CDC42BPG: variants seen among roughly 807,000 people sequenced by gnomAD.
CDC42BPG encodes CDC42 binding protein kinase gamma.
In CDC42BPG, 157 loss-of-function variants were observed where a neutral mutation model predicts 192.2. The observed-to-expected ratio is 0.82, with a 90% CI of 0.72 to 0.93. The LOEUF is 0.93. Ranked by LOEUF, CDC42BPG falls within the 40% of genes least tolerant of loss-of-function variation. The pLI is 0.00. For missense variants in CDC42BPG, 1,992 were observed against 2,122.1 expected, an observed-to-expected ratio of 0.94 and a Z score of 1.20; for synonymous variants, 981 against 918.5, an observed-to-expected ratio of 1.07 and a Z score of -1.23.
At position 64,833,990 on chromosome 11, in the gene CDC42BPG, G is replaced by A. The variant is rs774428308; in HGVS notation, c.2414-13C>T. On this transcript the variant is annotated splice_polypyrimidine_tract_variant and intron_variant, in intron 20 of 36. Coordinates refer to ENST00000342711, the MANE Select transcript of CDC42BPG (RefSeq NM_017525.3). ...GAGGGCTTGGTGTCTGCAAAGAAAG[G>A]GTGGGTCACTGGCCTGGGGTCCCTG... 3.7e-6 allele frequency: 6 copies of A among 1,614,066 alleles called. No individual in the cohort carries two copies. The African/African-American group carries it at 5.3e-5, about 14-fold the overall frequency.
At chr11:64,826,867 C>G (rs915225559) in intron 34 of CDC42BPG, 73 bp from the exon 35 acceptor site, 1 of 1,436,750 alleles carries the variant, frequency 7.0e-7, no homozygotes, top group Admixed American at 2.7e-5. Context: ...GCACAACAGA[C>G]CAGGACAAAT....
chr11:64,833,799 G>T lies in CDC42BPG; in HGVS notation c.2504C>A (p.Ala835Asp), dbSNP rs201924009. Residue 835 changes from alanine to aspartate, a missense_variant, in exon 22 of 37, where the codon GCC (alanine) becomes GAC (aspartate). Around this residue, in one of 2 missense-constraint regions of CDC42BPG, gnomAD observed 1,656 missense variants for 1,844.3 expected, o/e 0.90. Transcript: ENST00000342711. ...ATCTGGCTCTCCTCCATGCCTTGTGGCCTCTCCTGAGATGCCAGGGTCCTT... is the reference window on the plus strand; with the variant it reads ...ATCTGGCTCTCCTCCATGCCTTGTGTCCTCTCCTGAGATGCCAGGGTCCTT... ...SAKDPGISGEATRHGGEPDLR... is the reference protein window; with the variant it reads ...SAKDPGISGEDTRHGGEPDLR... 44 of 1,614,116 alleles carry T rather than the reference G, an allele frequency of 2.7e-5. No individual in the cohort carries two copies. The highest frequency in any genetic ancestry group is 3.6e-5 in the Non-Finnish European group (43 of 1,180,038).
rs376256743 is a variant in CDC42BPG at position 64,836,823 on chromosome 11, G to A, written c.1304-4C>T. On this transcript the variant is annotated splice_region_variant and splice_polypyrimidine_tract_variant and intron_variant, in intron 10 of 36. Coordinates refer to ENST00000342711, the MANE Select transcript of CDC42BPG (RefSeq NM_017525.3). ...TCTGTGGGGGCGTGCAGGGCCTCTG[G>A]AGGGGAGGTGGTACCCACAGGTGAG... 516 of 1,609,272 alleles carry A rather than the reference G, an allele frequency of 3.2e-4. 4 individuals carry two copies. The South Asian group carries it at 3.8e-3, about 12-fold the overall frequency.
chr11:64,834,862 G>A lies in CDC42BPG; in HGVS notation c.2162C>T (p.Pro721Leu). ...TCTGGGGCTCACCAGTGGCCGGGCA[G>A]GGAGCGTCTGGGTGCCTACGTTCCT... ...SLRNVGTQTL[P>L]ARPLDHQWKA... Residue 721 changes from proline (P) to leucine (L), a missense_variant, in exon 18 of 37, where the codon CCT (proline) becomes CTT (leucine). Pro to Leu is a moderately conservative substitution (Grantham distance 98). Transcript: ENST00000342711. The A allele has an allele frequency of 1.2e-6, 2 of 1,613,280 alleles. No individual in the cohort carries two copies. Among genetic ancestry groups the A allele is most frequent in the Non-Finnish European group, 1.7e-6 (2 of 1,179,852 alleles).
At position 64,840,555 on chromosome 11, in the gene CDC42BPG, G is replaced by C. The variant is rs1328877867; in HGVS notation, c.430C>G (p.Leu144Val). The part of the protein sequence containing the change: ...LHYAFQDEEY[L>V]YLVMDYYAGG... The stretch of plus-strand genomic sequence containing the variant: ...CCAGCCCCGCCACGTATCCTCACCA[G>C]GTACTCCTCGTCTTGGAAGGCATAG... The change falls in exon 4 of 37, where the codon CTG becomes GTG. Residue 144 changes from leucine (L) to valine (V), a missense_variant and splice_region_variant. Physicochemically the swap from Leu to Val is conservative, Grantham distance 32. Coordinates refer to ENST00000342711, the MANE Select transcript of CDC42BPG (RefSeq NM_017525.3). 6.2e-7 allele frequency: 1 copy of C among 1,613,792 alleles called. No homozygotes were observed. Among genetic ancestry groups the C allele is most frequent in the Non-Finnish European group, 8.5e-7 (1 of 1,179,846 alleles).
intron 8 of CDC42BPG, 91 bp downstream of exon 8, chr11:64,838,563 C>T: frequency 1.3e-6 from 2 of 1,534,194 alleles, no homozygotes; most frequent in Admixed American, 1.7e-5. Context: ...GCCTCACCCC[C>T]AGCCCACCCC....
chr11:64,836,545 C>T lies in CDC42BPG; in HGVS notation c.1385-15G>A. 6.2e-7 allele frequency: 1 copy of T among 1,609,088 alleles called. No homozygotes were observed. Among genetic ancestry groups the T allele is most frequent in the South Asian group, 1.1e-5 (1 of 91,018 alleles). On this transcript the variant is annotated splice_polypyrimidine_tract_variant and intron_variant, in intron 11 of 36. Transcript: ENST00000342711. ...CCTCAGCATCTCTGCCAGGAAGAGT[C>T]ACTGAGACCTCGAGTGCTGGCGGCC...
At position 64,829,612 on chromosome 11, in the gene CDC42BPG, G is replaced by A; in HGVS notation, c.3826C>T (p.Leu1276=). 1 of 1,611,702 alleles carries A rather than the reference G, an allele frequency of 6.2e-7. No individual in the cohort carries two copies. The highest frequency in any genetic ancestry group is 8.5e-7 in the Non-Finnish European group (1 of 1,179,396). The change falls in exon 30 of 37, where the codon CTG becomes TTG. Residue 1276 remains leucine (L), a synonymous_variant. Coordinates refer to ENST00000342711, the MANE Select transcript of CDC42BPG (RefSeq NM_017525.3). ...PEELPPSRGG[L]GEALGAVELS... is the part of the protein sequence containing the mutation. ...TCCACGGCACCCAGTGCCTCACCCA[G>A]GCCCCCGCGGGATGGTGGCAGCTCC...
chr11:64,829,796 G>A lies in CDC42BPG; in HGVS notation c.3642C>T (p.Pro1214=). The change falls in exon 30 of 37, where the codon CCC becomes CCT. Residue 1214 remains proline, a synonymous_variant. Transcript: ENST00000342711. ...LCYQLGPGPG[P]WQRRIRELQA... ...GCAGCTCACGGATGCGGCGCTGCCA[G>A]GGCCCAGGGCCCGGGCCCAGCTGGT... 2 of 1,601,190 alleles carry A rather than the reference G, an allele frequency of 1.2e-6. No individual in the cohort carries two copies. The highest frequency in any genetic ancestry group is 1.7e-6 in the Non-Finnish European group (2 of 1,175,838).
intron 3 of CDC42BPG, among the ~76,000 whole-genome samples, chr11:64,841,219 A>G (rs11231889): frequency 0.21 from 32,248 of 151,910 alleles, 4,254 homozygotes; most frequent in East Asian, 0.52. Flanking sequence ...TCGGGAGGCC[A>G]AGGCAGAAGG....
chr11:64,828,573 C>T (rs1942541518), intron 30 of CDC42BPG, among the ~76,000 whole-genome samples: 1 of 152,214 alleles, frequency 6.6e-6, no homozygotes, highest in Non-Finnish European at 1.5e-5. Context: ...GGAGCGCCTA[C>T]CAGCTCCAGG....
Position 64,827,377 on chromosome 11 carries a change from G to C in CDC42BPG, c.4172C>G (p.Pro1391Arg). 2 of 1,613,854 alleles carry C rather than the reference G, an allele frequency of 1.2e-6. No homozygotes were observed. Among genetic ancestry groups the C allele is most frequent in the East Asian group, 4.5e-5 (2 of 44,860 alleles). ...QLAEKDEFDI[P>R]DLTDNSRRQL... ...GCGCCGGCTGTTGTCGGTGAGGTCC[G>C]GGATGTCGAACTCGTCCTTCTCTGT... The change falls in exon 33 of 37, where the codon CCG becomes CGG. Residue 1391 changes from proline (P) to arginine (R), a missense_variant. Pro to Arg is a moderately radical substitution (Grantham distance 103). Coordinates refer to ENST00000342711, the MANE Select transcript of CDC42BPG (RefSeq NM_017525.3).
rs71539698 is a variant in CDC42BPG, at chr11:64,823,962, C to A, written c.*511G>T. The A allele has an allele frequency of 5.8e-6, 1 of 172,628 alleles. No individual in the cohort carries two copies. Among genetic ancestry groups the A allele is most frequent in the Non-Finnish European group, 1.3e-5 (1 of 79,988 alleles). 10.7% of individuals were successfully genotyped at this position (172,628 alleles called of 1,614,324 possible). On this transcript the variant is annotated 3_prime_UTR_variant, in exon 37 of 37. Transcript: ENST00000342711. ...CTCCTATCCTGTCTCTCACCTCCTT[C>A]GCCTACATCCTTTCCCTCCTTCTCT...
chr11:64,834,923 G>A lies in CDC42BPG; in HGVS notation c.2101C>T (p.Leu701=). 6.2e-7 allele frequency: 1 copy of A among 1,614,160 alleles called. No individual in the cohort carries two copies. Among genetic ancestry groups the A allele is most frequent in the Non-Finnish European group, 8.5e-7 (1 of 1,180,030 alleles). The change falls in exon 18 of 37, where the codon CTG becomes TTG. Residue 701 remains leucine, a synonymous_variant. Transcript: ENST00000342711. ...AGCTCCTCTGCCATCTTGGTGGCCAGGGCCTGCAGGTAGCCTCTTGAGACC... is the reference window on the plus strand; with the variant it reads ...AGCTCCTCTGCCATCTTGGTGGCCAAGGCCTGCAGGTAGCCTCTTGAGACC... ...EKVSRGYLQA[L]ATKMAEELES...
chr11:64,833,419 A>G (rs961176507), intron 23 of CDC42BPG, 83 bp from the exon 24 acceptor site: 1 of 988,946 alleles, frequency 1.0e-6, no homozygotes, highest in East Asian at 2.6e-5. Flanking sequence ...CAAGGGGCTG[A>G]GCCAGGCAAC....
At position 64,829,917 on chromosome 11, in the gene CDC42BPG, G is replaced by A. The variant is rs1198646515; in HGVS notation, c.3521C>T (p.Pro1174Leu). The A allele has an allele frequency of 1.2e-6, 2 of 1,610,828 alleles. No individual in the cohort carries two copies. Among genetic ancestry groups the A allele is most frequent in the Non-Finnish European group, 1.7e-6 (2 of 1,179,018 alleles). The change falls in exon 30 of 37, where the codon CCC (proline) becomes CTC (leucine). Residue 1174 changes from proline to leucine, a missense_variant. By Grantham distance (98) the Pro-to-Leu change is moderately conservative (BLOSUM62 -3). Transcript: ENST00000342711. Reference sequence around the variant, plus strand: ...CAGCACCTGGCAGCCTCGAGACTCGGGGATCTTGGCACCTGCTACCTCTAT... The same window carrying A: ...CAGCACCTGGCAGCCTCGAGACTCGAGGATCTTGGCACCTGCTACCTCTAT... The part of the protein sequence containing the change: ...ENIEVAGAKI[P>L]ESRGCQVLAA...
Position 64,829,688 on chromosome 11 carries a change from C to CGGGTAGAG in CDC42BPG, c.3742_3749dup (p.Leu1251SerfsTer82), listed in dbSNP as rs1942591813. The CGGGTAGAG allele has an allele frequency of 6.2e-7, 1 of 1,611,406 alleles. No individual in the cohort carries two copies. Among genetic ancestry groups the CGGGTAGAG allele is most frequent in the African/African-American group, 1.3e-5 (1 of 74,908 alleles). On this transcript the variant is annotated frameshift_variant, in exon 30 of 37. Coordinates refer to ENST00000342711, the MANE Select transcript of CDC42BPG (RefSeq NM_017525.3). LOFTEE classifies it high-confidence loss of function. ...CCAACGGCGCAGCCTCGTTGAGCAG[C>CGGGTAGAG]GGGTAGAGTGCAAAGCCACCGGCGG...
chr11:64,841,745 G>T lies in CDC42BPG; in HGVS notation c.253-12C>A. ...CTCACCACGGTGACCTAAGGCCACA[G>T]GGAGGACCGGGGTGAGCCCAGCCCG... On this transcript the variant is annotated splice_polypyrimidine_tract_variant and intron_variant, in intron 2 of 36. Transcript: ENST00000342711. 2.5e-6 allele frequency: 4 copies of T among 1,613,908 alleles called. No individual in the cohort carries two copies. Among genetic ancestry groups the T allele is most frequent in the Non-Finnish European group, 3.4e-6 (4 of 1,179,936 alleles).
intron 5 of CDC42BPG, 33 bp from the exon 6 acceptor site, chr11:64,839,604 T>C: frequency 6.3e-7 from 1 of 1,585,774 alleles, no homozygotes; most frequent in South Asian, 1.1e-5. Flanking sequence ...AGTGAGGCGT[T>C]TGACCTGTGT....
Sources: gnomAD v4.1 joint callset for allele counts (sites outside exome capture counted in the v4.1 genomes callset) on GRCh38, gnomAD v4.1.1 for gene constraint, gnomAD v4.1.1 regional missense constraint, MANE v1.5 for transcripts, NCBI Gene and HGNC (gene_info 2026-07-23, HGNC 2026-07-21) for gene names.